CHL1: variants seen among roughly 807,000 people sequenced by gnomAD.
The protein encoded by CHL1 is cell adhesion molecule L1 like, also known as neural cell adhesion molecule L1-like protein.
A neutral mutation model predicts 141.9 loss-of-function variants in CHL1; 96 were observed. The observed-to-expected ratio is 0.68, with a 90% CI of 0.57 to 0.80. The LOEUF (loss-of-function observed/expected upper bound fraction) is 0.80, where lower values mean the gene tolerates loss of function less well. CHL1 is among the 30% of genes least tolerant of loss of function. The probability of loss-of-function intolerance (pLI) is 0.00; values close to 1 mark genes in which losing one functional copy is unlikely to be tolerated. For synonymous variants in CHL1, 613 were observed against 502.2 expected, an observed-to-expected ratio of 1.22 and a Z score of -2.95; for missense variants, 1,820 against 1,457.2, an observed-to-expected ratio of 1.25 and a Z score of -4.05.
chr3:250,143 T>A (rs942955826), intron 2 of CHL1, among the ~76,000 whole-genome samples: 1 of 152,004 alleles, frequency 6.6e-6, no homozygotes, highest in African/African-American at 2.4e-5. Flanking sequence ...ATTTTTTATA[T>A]TCATAGAGAT....
chr3:303,876 C>G lies in CHL1; in HGVS notation c.-94-15807C>G, dbSNP rs963133586. Among the ~76,000 whole-genome samples, 22 of 152,138 alleles carry G rather than the reference C, an allele frequency of 1.4e-4. No homozygotes were observed. The South Asian group carries it at 2.9e-3, about 20-fold the overall frequency. On this transcript the variant is annotated intron_variant, in intron 2 of 27. Coordinates refer to ENST00000256509, the MANE Select transcript of CHL1 (RefSeq NM_006614.4). ...GGTTGTGGGTTTGCCATAAATAGCT[C>G]TTATTATTTTGAGATGTGTTCCATT...
chr3:216,071 A>G (rs1700292362), intron 1 of CHL1, among the ~76,000 whole-genome samples: 1 of 152,222 alleles, frequency 6.6e-6, no homozygotes, highest in Non-Finnish European at 1.5e-5. Flanking sequence ...AAAATGTGAT[A>G]CAAACCTGGC....
At chr3:278,729 A>G (rs142182413) in intron 2 of CHL1, among the ~76,000 whole-genome samples, 11 of 152,352 alleles carry the variant, frequency 7.2e-5, no homozygotes, top group Non-Finnish European at 7.4e-5. Context: ...ATGAATAGAC[A>G]GTGTCCTTGT....
chr3:226,737 G>A (rs1404831091), intron 1 of CHL1, among the ~76,000 whole-genome samples: 2 of 152,078 alleles, frequency 1.3e-5, no homozygotes, highest in East Asian at 3.8e-4. Flanking sequence ...GTAAGCCACC[G>A]CGCCCGACCT....
At chr3:235,219 C>T (rs1691849537) in intron 1 of CHL1, among the ~76,000 whole-genome samples, 1 of 151,720 alleles carries the variant, frequency 6.6e-6, no homozygotes, top group Admixed American at 6.6e-5. Flanking sequence ...CAAGAGTTTG[C>T]TTTAAAGGTG....
intron 16 of CHL1, among the ~76,000 whole-genome samples, chr3:378,857 T>A (rs562987430): frequency 2.6e-5 from 4 of 152,274 alleles, no homozygotes; most frequent in East Asian, 1.9e-4. Flanking sequence ...CTACTGAACA[T>A]CCTGCCCACA....
chr3:230,288 G>GT (rs1701745795), intron 1 of CHL1, among the ~76,000 whole-genome samples: 1 of 152,084 alleles, frequency 6.6e-6, no homozygotes, highest in Non-Finnish European at 1.5e-5. Flanking sequence ...TCTGGCTTTT[G>GT]TGTCATTCAC....
At chr3:246,322 T>C (rs1693170655) in intron 2 of CHL1, among the ~76,000 whole-genome samples, 1 of 152,134 alleles carries the variant, frequency 6.6e-6, no homozygotes, top group African/African-American at 2.4e-5. Flanking sequence ...AACACCCTTC[T>C]TGCTCGTAGC....
In CHL1 at chr3:390,826, A is replaced by G. The variant is rs1451583500; in HGVS notation, c.2586+10A>G. 2.6e-6 allele frequency: 4 copies of G among 1,557,174 alleles called. No homozygotes were observed. The highest frequency in any genetic ancestry group is 2.2e-5 in the East Asian group (1 of 44,590). On this transcript the variant is annotated intron_variant, in intron 21 of 27. Transcript: ENST00000256509. ...TCTGAAAGGCTATCAGGTTTTTATC[A>G]TCATGGTTTTTCCTCTTCTTGTTGA...
chr3:336,150 G>C (rs1009690874), intron 5 of CHL1, among the ~76,000 whole-genome samples: 1 of 152,142 alleles, frequency 6.6e-6, no homozygotes, highest in African/African-American at 2.4e-5. Context: ...TGGATAATCT[G>C]ATGCTACAGT....
chr3:386,112 A>G (rs973964311), intron 19 of CHL1, among the ~76,000 whole-genome samples: 7 of 151,948 alleles, frequency 4.6e-5, no homozygotes, highest in African/African-American at 1.7e-4. Flanking sequence ...CCAGTTTCAC[A>G]ATCAGATAGT....
At chr3:205,635 G>T (rs981263772) in intron 1 of CHL1, among the ~76,000 whole-genome samples, 10 of 152,124 alleles carry the variant, frequency 6.6e-5, no homozygotes, top group African/African-American at 1.9e-4. Context: ...TTATGTTTGT[G>T]TGTGTCTGTG....
chr3:340,999 A>C, intron 6 of CHL1, 83 bp downstream of exon 6: 1 of 1,370,194 alleles, frequency 7.3e-7, no homozygotes, highest in East Asian at 2.4e-5. Flanking sequence ...TCCAAAGACA[A>C]AATAAAAAAT....
At chr3:292,915 A>G (rs1348696439) in intron 2 of CHL1, among the ~76,000 whole-genome samples, 1 of 152,178 alleles carries the variant, frequency 6.6e-6, no homozygotes, top group Non-Finnish European at 1.5e-5. Flanking sequence ...CACCTCCAAA[A>G]TCAGGGAGTA....
intron 13 of CHL1, among the ~76,000 whole-genome samples, chr3:362,351 G>A (rs987665035): frequency 1.3e-5 from 2 of 152,108 alleles, no homozygotes; most frequent in East Asian, 3.9e-4. Flanking sequence ...TTTGTCATTG[G>A]TCTGTAGGGC....
At chr3:392,364 C>T (rs1289450346) in intron 23 of CHL1, among the ~76,000 whole-genome samples, 1 of 152,206 alleles carries the variant, frequency 6.6e-6, no homozygotes, top group East Asian at 1.9e-4. Flanking sequence ...CTATGGGTTG[C>T]TCACTGTTTC....
At chr3:339,420 A>T (rs1252769783) in intron 5 of CHL1, among the ~76,000 whole-genome samples, 2 of 152,160 alleles carry the variant, frequency 1.3e-5, no homozygotes, top group African/African-American at 4.8e-5. Context: ...CTATAGCAAA[A>T]ATGTGATTCA....
intron 1 of CHL1, among the ~76,000 whole-genome samples, chr3:214,345 A>T (rs528885938): frequency 2.0e-5 from 3 of 152,298 alleles, no homozygotes; most frequent in African/African-American, 4.8e-5. Context: ...TGCATGTGAA[A>T]CAAAAAAAGA....
At chr3:236,316 G>A (rs1691974840) in intron 1 of CHL1, among the ~76,000 whole-genome samples, 1 of 152,116 alleles carries the variant, frequency 6.6e-6, no homozygotes, top group Admixed American at 6.6e-5. Context: ...GACCTGTTTT[G>A]TGCTACATGC....
Sources: allele counts gnomAD v4.1 joint callset (sites outside exome capture counted in the v4.1 genomes callset), GRCh38; gene constraint gnomAD v4.1.1; transcripts MANE v1.5; gene names NCBI Gene and HGNC (gene_info 2026-07-23, HGNC 2026-07-21).